Variants in ENOX1 observed in about 807,000 individuals in gnomAD.
The protein encoded by ENOX1 is candidate growth-related and time keeping constitutive hydroquinone (NADH) oxidase.
ENOX1 carries 42 observed loss-of-function variants against 82.5 expected under a neutral mutation model. That is an observed-to-expected ratio of 0.51 (90% CI 0.40 to 0.66). The LOEUF is 0.66. ENOX1 is among the 30% of genes least tolerant of loss of function. The pLI, the probability that ENOX1 is intolerant of heterozygous loss-of-function variation, is 0.00. For synonymous variants in ENOX1, 271 were observed against 282.2 expected, an observed-to-expected ratio of 0.96 and a Z score of 0.40; for missense variants, 608 against 811.6, an observed-to-expected ratio of 0.75 and a Z score of 3.05.
rs542285195 is a variant in ENOX1 at position 43,620,711 on chromosome 13, G to A, written c.-219+46768C>T. ...AGTTCCATGCACTGTTGAATAGAAT[G>A]TGTATTCTGCGGTTGTCGGATGAAC... is the stretch of plus-strand genomic sequence containing the variant. On this transcript the variant is annotated intron_variant, in intron 2 of 16. Transcript: ENST00000690772. Among the ~76,000 whole-genome samples the A allele has an allele frequency of 2.6e-5, 4 of 152,288 alleles. No homozygotes were observed. In the South Asian group the frequency reaches 8.3e-4, roughly 32 times the overall value.
intron 3 of ENOX1, among the ~76,000 whole-genome samples, chr13:43,480,561 T>C (rs1441613355): frequency 6.6e-6 from 1 of 152,238 alleles, no homozygotes; most frequent in Non-Finnish European, 1.5e-5. Context: ...TAAATTTTCT[T>C]TTTCAATGGA....
intron 12 of ENOX1, among the ~76,000 whole-genome samples, chr13:43,287,972 GTA>G (rs1452409860): frequency 6.6e-6 from 1 of 152,180 alleles, no homozygotes; most frequent in African/African-American, 2.4e-5. Flanking sequence ...TACCAGGAGT[GTA>G]ATCTGCAAAT....
chr13:43,264,857 G>A (rs539788443), intron 14 of ENOX1, among the ~76,000 whole-genome samples: 6 of 152,258 alleles, frequency 3.9e-5, no homozygotes, highest in African/African-American at 9.6e-5. Context: ...AGGAAGTCAC[G>A]GTGTAACTGG....
At chr13:43,532,966 T>C (rs760391795) in intron 2 of ENOX1, among the ~76,000 whole-genome samples, 2 of 151,932 alleles carry the variant, frequency 1.3e-5, no homozygotes, top group Admixed American at 1.3e-4. Flanking sequence ...CAAAAGCTTT[T>C]TGAAGCCCCA....
intron 1 of ENOX1, among the ~76,000 whole-genome samples, chr13:43,753,108 C>T (rs1950410181): frequency 6.6e-6 from 1 of 152,160 alleles, no homozygotes. Flanking sequence ...GATCCACCCA[C>T]CTCAACCTCT....
intron 1 of ENOX1, among the ~76,000 whole-genome samples, chr13:43,764,609 A>G (rs968090592): frequency 6.6e-6 from 1 of 152,154 alleles, no homozygotes; most frequent in East Asian, 1.9e-4. Flanking sequence ...TCAATTACTA[A>G]GATAACATCA....
chr13:43,256,919 T>G (rs893815365), intron 14 of ENOX1, among the ~76,000 whole-genome samples: 5 of 152,184 alleles, frequency 3.3e-5, no homozygotes, highest in African/African-American at 1.2e-4. Flanking sequence ...CATCGTCAGA[T>G]GAATGGATAA....
chr13:43,541,173 G>GTTTTTTTTT (rs553504525), intron 2 of ENOX1, among the ~76,000 whole-genome samples: 2 of 64,574 alleles, frequency 3.1e-5, no homozygotes, highest in African/African-American at 9.9e-5. Context: ...TCTTCCCTCT[G>GTTTTTTTTT]TTTTTTTTTT....
At chr13:43,765,194 A>G (rs2839906) in intron 1 of ENOX1, among the ~76,000 whole-genome samples, 152,239 of 152,250 alleles carry the variant, frequency 1, 76,114 homozygotes, top group Non-Finnish European at 1. Flanking sequence ...GTATTTAGGG[A>G]GAAAAAAACT....
chr13:43,341,784 C>G (rs2049080604), intron 9 of ENOX1, among the ~76,000 whole-genome samples: 1 of 152,142 alleles, frequency 6.6e-6, no homozygotes, highest in South Asian at 2.1e-4. Context: ...TATGAGAACT[C>G]CAATTTTACT....
chr13:43,417,230 G>A (rs2054661628), intron 3 of ENOX1, among the ~76,000 whole-genome samples: 1 of 70,098 alleles, frequency 1.4e-5, no homozygotes, highest in African/African-American at 7.5e-5. Flanking sequence ...ACGGGAGACG[G>A]GAGACGGGAG....
intron 1 of ENOX1, among the ~76,000 whole-genome samples, chr13:43,784,235 G>A (rs1404495830): frequency 6.6e-6 from 1 of 152,222 alleles, no homozygotes; most frequent in East Asian, 1.9e-4. Context: ...GTATGCATAT[G>A]TGATTATATA....
chr13:43,554,758 G>A (rs1375291508), intron 2 of ENOX1, among the ~76,000 whole-genome samples: 6 of 152,044 alleles, frequency 3.9e-5, no homozygotes, highest in Admixed American at 3.3e-4. Flanking sequence ...TGTATTGTTT[G>A]TAGAGACGGA....
chr13:43,246,138 C>G (rs2043069351), intron 14 of ENOX1, among the ~76,000 whole-genome samples: 1 of 152,146 alleles, frequency 6.6e-6, no homozygotes. Context: ...AAGCACTTGA[C>G]AAATATAAAC....
intron 7 of ENOX1, among the ~76,000 whole-genome samples, chr13:43,359,114 T>A (rs906550279): frequency 2.1e-5 from 3 of 141,564 alleles, no homozygotes; most frequent in Admixed American, 2.1e-4. Flanking sequence ...CATTCCCCCA[T>A]CAGCTTTGCC....
intron 2 of ENOX1, among the ~76,000 whole-genome samples, chr13:43,566,917 C>T (rs568419514): frequency 2.6e-5 from 4 of 152,030 alleles, no homozygotes; most frequent in Non-Finnish European, 5.9e-5. Context: ...ATTCTTATAG[C>T]TAAAGCCCCA....
rs1235049122 is a variant in ENOX1 at position 43,237,308 on chromosome 13, AAC to A, written c.1612-572_1612-571del. Among the ~76,000 whole-genome samples the A allele has an allele frequency of 4.6e-5, 7 of 152,234 alleles. No individual in the cohort carries two copies. In the South Asian group the frequency reaches 1.4e-3, roughly 32 times the overall value. ...ATGAAGAGTTGTACAACAAGCCAATAACACGTGAAACATTGAGGCTGGACTAT... is the reference window on the plus strand; with the variant it reads ...ATGAAGAGTTGTACAACAAGCCAATAACGTGAAACATTGAGGCTGGACTAT... On this transcript the variant is annotated intron_variant, in intron 14 of 16. Coordinates refer to ENST00000690772, the MANE Select transcript of ENOX1 (RefSeq NM_001347969.2).
At position 43,786,720 on chromosome 13, in the gene ENOX1, C is replaced by T. The variant is rs966484178; in HGVS notation, c.-353G>A. 1 of 152,206 alleles carries T rather than the reference C, an allele frequency of 6.6e-6. No individual in the cohort carries two copies. Among genetic ancestry groups the T allele is most frequent in the African/African-American group, 2.4e-5 (1 of 41,434 alleles). 9.4% of individuals were successfully genotyped at this position (152,206 alleles called of 1,614,324 possible). On this transcript the variant is annotated 5_prime_UTR_variant, in exon 1 of 17. Transcript: ENST00000690772. This position sits in a 1 kb window ranked among gnomAD's most constrained non-coding sequence, Gnocchi z 6.0. ...GTGGGGCGCCGGGCGCGGCGCGGCT[C>T]CTCCTAGCCTCGGCGTCCTCCTCCT...
At chr13:43,733,189 C>A (rs1413712961) in intron 1 of ENOX1, among the ~76,000 whole-genome samples, 1 of 152,190 alleles carries the variant, frequency 6.6e-6, no homozygotes, top group Admixed American at 6.5e-5. Context: ...ATAAGGATTT[C>A]ATAAATTCTA....
Sources: allele counts gnomAD v4.1 joint callset (sites outside exome capture counted in the v4.1 genomes callset), GRCh38; gene constraint gnomAD v4.1.1; non-coding constraint Gnocchi (gnomAD v3.1); transcripts MANE v1.5; gene names NCBI Gene and HGNC (gene_info 2026-07-23, HGNC 2026-07-21).